Variants in OGG1 observed in about 807,000 individuals in gnomAD.
The protein encoded by OGG1 is N-glycosylase/DNA lyase.
In OGG1, 35 loss-of-function variants were observed where a neutral mutation model predicts 42.3. The ratio of observed to expected loss-of-function variants is 0.83; its 90% CI spans 0.63 to 1.10. The LOEUF (loss-of-function observed/expected upper bound fraction) is 1.10. OGG1 is among the 50% of genes least tolerant of loss of function. OGG1 has a pLI of 0.00. For synonymous variants in OGG1, 189 were observed against 179.0 expected, an observed-to-expected ratio of 1.06 and a Z score of -0.44; for missense variants, 484 against 446.7, an observed-to-expected ratio of 1.08 and a Z score of -0.75.
intron 2 of OGG1, among the ~76,000 whole-genome samples, chr3:9,776,383 CTTTTCTT>C: frequency 1.4e-5 from 2 of 138,194 alleles, no homozygotes; most frequent in Admixed American, 7.4e-5. Context: ...TTTCTTTTTT[CTTTTCTT>C]TTTTTTTTTT....
intron 3 of OGG1, chr3:9,787,052 C>T (rs1383861577): frequency 1.2e-6 from 2 of 1,614,138 alleles, no homozygotes; most frequent in Non-Finnish European, 8.5e-7. Flanking sequence ...ACCAAAGGGG[C>T]ATCCATCTTC....
At chr3:9,787,994 G>A (rs1011380637) in exon 4 of OGG1, 2 of 317,722 alleles carry the variant, frequency 6.3e-6, no homozygotes, top group Middle Eastern at 8.0e-4. Context: ...TGGTCAACAC[G>A]GCAATGAAGA....
At chr3:9,790,926 A>G (rs2125628083), downstream of OGG1, among the ~76,000 whole-genome samples, 1 of 152,164 alleles carries the variant, frequency 6.6e-6, no homozygotes, top group East Asian at 1.9e-4. Flanking sequence ...ATCACCTGGT[A>G]TGTACTTGAC....
chr3:9,760,788 T>A (rs779963851), downstream of OGG1: 2 of 1,613,654 alleles, frequency 1.2e-6, no homozygotes, highest in Admixed American at 3.3e-5. Flanking sequence ...GAGAAACTCA[T>A]CCTCATTTCC....
chr3:9,754,187 A>G (rs1034196482), intron 3 of OGG1, among the ~76,000 whole-genome samples: 1 of 152,208 alleles, frequency 6.6e-6, no homozygotes, highest in African/African-American at 2.4e-5. Flanking sequence ...TAGGTGCAAG[A>G]TCTTATCTCC....
chr3:9,790,536 AC>A (rs1252171687), downstream of OGG1, among the ~76,000 whole-genome samples: 6 of 152,230 alleles, frequency 3.9e-5, no homozygotes, highest in African/African-American at 1.4e-4. Flanking sequence ...ACCATAAGCT[AC>A]TGAGGACCAG....
downstream of OGG1, chr3:9,758,634 T>G (rs1460235220): frequency 6.2e-6 from 1 of 162,128 alleles, no homozygotes; most frequent in Non-Finnish European, 1.3e-5. Flanking sequence ...CTGAGAGCTC[T>G]TTCTTTTTTT....
chr3:9,780,570 G>T (rs745328298), intron 2 of OGG1: 2 of 1,592,484 alleles, frequency 1.3e-6, no homozygotes, highest in South Asian at 2.2e-5. Context: ...CAGCCAGCCA[G>T]GTGCCAGGGT....
At position 9,750,925 on chromosome 3, in the gene OGG1, G is replaced by C. The variant is rs767140191; in HGVS notation, c.138-20G>C. Reference sequence around the variant, plus strand: ...AGAAAGGAAATTGAGTGCCAGGGTTGTCATGTGCCTTGGGCTCAGGTGGAG... The same window carrying C: ...AGAAAGGAAATTGAGTGCCAGGGTTCTCATGTGCCTTGGGCTCAGGTGGAG... On this transcript the variant is annotated intron_variant, in intron 1 of 6. Coordinates refer to ENST00000344629, the MANE Select transcript of OGG1 (RefSeq NM_002542.6). The C allele has an allele frequency of 6.2e-7, 1 of 1,613,750 alleles. No homozygotes were observed. Among genetic ancestry groups the C allele is most frequent in the Admixed American group, 1.7e-5 (1 of 60,012 alleles).
chr3:9,770,272 G>C (rs537455978), downstream of OGG1, among the ~76,000 whole-genome samples: 26 of 152,312 alleles, frequency 1.7e-4, no homozygotes, highest in Non-Finnish European at 3.4e-4. Context: ...AACTCACCCT[G>C]TGGCCTGGTG....
intron 3 of OGG1, chr3:9,784,054 G>C: frequency 6.2e-7 from 1 of 1,614,116 alleles, no homozygotes; most frequent in South Asian, 1.1e-5. Flanking sequence ...TCTTGGTGCG[G>C]TTGTGGGCAC....
chr3:9,787,476 G>C (rs1221306556), intron 3 of OGG1: 1 of 1,293,390 alleles, frequency 7.7e-7, no homozygotes, highest in Non-Finnish European at 1.0e-6. Context: ...GTGTAGGTAA[G>C]AAAGTACAAC....
downstream of OGG1, chr3:9,767,712 G>T (rs920145784): frequency 6.2e-6 from 10 of 1,614,094 alleles, no homozygotes; most frequent in Non-Finnish European, 5.9e-6. Flanking sequence ...AATGTCCTCC[G>T]CCTGCTTCCA....
chr3:9,786,722 A>G (rs1248811848), intron 3 of OGG1, among the ~76,000 whole-genome samples: 2 of 152,186 alleles, frequency 1.3e-5, no homozygotes, highest in Non-Finnish European at 2.9e-5. Flanking sequence ...GGGGCATGAG[A>G]GGGGCTTCTA....
downstream of OGG1, among the ~76,000 whole-genome samples, chr3:9,788,682 G>C (rs1415261862): frequency 6.6e-6 from 1 of 151,934 alleles, no homozygotes; most frequent in Non-Finnish European, 1.5e-5. Context: ...CAGGATTACA[G>C]GTGCATGCCA....
chr3:9,768,953 T>G (rs1188946508), downstream of OGG1, among the ~76,000 whole-genome samples: 1 of 150,546 alleles, frequency 6.6e-6, no homozygotes, highest in Non-Finnish European at 1.5e-5. Flanking sequence ...GCCTACCAAA[T>G]ACAACCCTCA....
At chr3:9,790,583 C>T (rs770536124), downstream of OGG1, among the ~76,000 whole-genome samples, 1 of 152,196 alleles carries the variant, frequency 6.6e-6, no homozygotes, top group Non-Finnish European at 1.5e-5. Flanking sequence ...TTGCAGAATA[C>T]AGCATAGCGC....
downstream of OGG1, chr3:9,758,098 A>C: frequency 2.2e-6 from 1 of 461,210 alleles, no homozygotes; most frequent in South Asian, 3.2e-5. Context: ...TCATATTAAT[A>C]TGTAATAGCA....
At chr3:9,755,391 T>C (rs2077490050) in intron 4 of OGG1, among the ~76,000 whole-genome samples, 1 of 151,850 alleles carries the variant, frequency 6.6e-6, no homozygotes, top group African/African-American at 2.4e-5. Flanking sequence ...TAAAATGACA[T>C]GTACTGACAA....
Sources: allele counts gnomAD v4.1 joint callset (sites outside exome capture counted in the v4.1 genomes callset), GRCh38; gene constraint gnomAD v4.1.1; transcripts MANE v1.5; gene names NCBI Gene and HGNC (gene_info 2026-07-23, HGNC 2026-07-21).